The following NBEAL1 variants were observed in gnomAD, a reference collection of about 807,000 sequenced individuals.
NBEAL1 encodes the protein neurobeachin-like protein 1.
In NBEAL1, 273 loss-of-function variants were observed where a neutral mutation model predicts 351.3. The ratio of observed to expected loss-of-function variants is 0.78; its 90% CI spans 0.70 to 0.86. NBEAL1 has a LOEUF of 0.86. NBEAL1 is among the 40% of genes least tolerant of loss of function. NBEAL1 has a pLI of 0.00. For synonymous variants in NBEAL1, 1,050 were observed against 1,086.4 expected, an observed-to-expected ratio of 0.97 and a Z score of 0.66; for missense variants, 2,961 against 3,201.3, an observed-to-expected ratio of 0.92 and a Z score of 1.81.
intron 12 of NBEAL1, among the ~76,000 whole-genome samples, chr2:203,104,605 G>C (rs574714634): frequency 5.3e-5 from 8 of 152,222 alleles, no homozygotes; most frequent in African/African-American, 1.9e-4. Context: ...TTATTATACA[G>C]ACTTGTTGAC....
intron 19 of NBEAL1, among the ~76,000 whole-genome samples, chr2:203,123,609 CAGGCGTGA>C (rs1362666678): frequency 2.0e-5 from 3 of 152,176 alleles, no homozygotes. Context: ...GCTGGGATTA[CAGGCGTGA>C]GCCACCATGC....
At chr2:203,123,630 G>C (rs1214974069) in intron 19 of NBEAL1, among the ~76,000 whole-genome samples, 2 of 152,006 alleles carry the variant, frequency 1.3e-5, no homozygotes, top group Non-Finnish European at 1.5e-5. Flanking sequence ...CACCATGCCC[G>C]GCCAGAACAC....
intron 10 of NBEAL1, among the ~76,000 whole-genome samples, chr2:203,093,007 C>T (rs1168852688): frequency 2.0e-5 from 3 of 151,962 alleles, no homozygotes; most frequent in Middle Eastern, 3.4e-3. Context: ...CTGAGGCAGG[C>T]GGATCACAAG....
chr2:203,084,725 T>G, intron 10 of NBEAL1, 156 bp downstream of exon 10: 1 of 455,078 alleles, frequency 2.2e-6, no homozygotes, highest in Non-Finnish European at 3.9e-6. Flanking sequence ...GAAACTAGTA[T>G]TAAATCACTT....
At chr2:203,113,788 A>T (rs2062625310) in intron 17 of NBEAL1, among the ~76,000 whole-genome samples, 1 of 150,408 alleles carries the variant, frequency 6.6e-6, no homozygotes, top group South Asian at 2.1e-4. Context: ...CTCTGTGTGC[A>T]TATGGACGGA....
intron 53 of NBEAL1, among the ~76,000 whole-genome samples, chr2:203,209,798 G>T (rs1206618412): frequency 6.6e-6 from 1 of 151,060 alleles, no homozygotes; most frequent in Non-Finnish European, 1.5e-5. Flanking sequence ...GTGCAGTGGC[G>T]CAATCAGTGA....
chr2:203,131,922 C>A, intron 25 of NBEAL1, 51 bp from the exon 26 acceptor site: 1 of 1,292,888 alleles, frequency 7.7e-7, no homozygotes, highest in Non-Finnish European at 1.0e-6. Context: ...TGTTAAATGA[C>A]AAACTATTCT....
chr2:203,168,893 CA>C lies in NBEAL1; in HGVS notation c.5998-834del, dbSNP rs35683401. 1.5e-3 allele frequency among the ~76,000 whole-genome samples: 145 copies of C among 97,258 alleles called. 1 individual carries two copies. The highest frequency in any genetic ancestry group is 6.4e-3 in the East Asian group (22 of 3,424). 63.8% of individuals were successfully genotyped at this position (97,258 alleles called of 152,430 possible). ...TGGGTGACAGAGCGAGACTCCATCT[CA>C]AAAAAAAAAAAAAAAAAAAGGCAAT... On this transcript the variant is annotated intron_variant, in intron 38 of 55. Transcript: ENST00000683969.
chr2:203,196,181 A>G (rs2065236759), intron 47 of NBEAL1, among the ~76,000 whole-genome samples: 1 of 152,214 alleles, frequency 6.6e-6, no homozygotes, highest in Non-Finnish European at 1.5e-5. Flanking sequence ...CATCTTATCT[A>G]ATCATTTGTG....
chr2:203,210,608 G>A (rs1469227900), intron 53 of NBEAL1, among the ~76,000 whole-genome samples: 4 of 152,146 alleles, frequency 2.6e-5, no homozygotes, highest in Non-Finnish European at 5.9e-5. Flanking sequence ...AGCTTTCAGT[G>A]AGCCAAGATT....
chr2:203,085,468 A>C (rs2061946314), intron 10 of NBEAL1: 2 of 152,286 alleles, frequency 1.3e-5, no homozygotes, highest in African/African-American at 4.8e-5. Flanking sequence ...TTTTCTTTTG[A>C]GGTCACAAAA....
intron 48 of NBEAL1, 36 bp downstream of exon 48, chr2:203,197,427 C>T: frequency 7.9e-7 from 1 of 1,262,226 alleles, no homozygotes; most frequent in Non-Finnish European, 1.2e-6. Context: ...ACTGCTATGC[C>T]TATATTCATT....
rs951293842 is a variant in NBEAL1 at position 203,160,898 on chromosome 2, A to AC, written c.5714+3080dup. On this transcript the variant is annotated intron_variant, in intron 36 of 55. Coordinates refer to ENST00000683969, the MANE Select transcript of NBEAL1 (RefSeq NM_001378026.1). Reference sequence around the variant, plus strand: ...AGTCATTGGTTAGAGGTTGTGTTTAACCCCCCCGATCCAGCTGAGTGCTAT... The same window carrying AC: ...AGTCATTGGTTAGAGGTTGTGTTTAACCCCCCCCGATCCAGCTGAGTGCTAT... Among the ~76,000 whole-genome samples, 3 of 151,186 alleles carry AC rather than the reference A, an allele frequency of 2.0e-5. No individual in the cohort carries two copies. In the South Asian group the frequency reaches 6.3e-4, roughly 32 times the overall value.
At chr2:203,109,066 A>G (rs72934542) in intron 14 of NBEAL1, among the ~76,000 whole-genome samples, 32 of 152,144 alleles carry the variant, frequency 2.1e-4, no homozygotes, top group Middle Eastern at 3.4e-3. Context: ...CACTATGAAA[A>G]TGAATAATGG....
At chr2:203,054,425 CAA>C (rs755176233) in intron 4 of NBEAL1, among the ~76,000 whole-genome samples, 5 of 115,572 alleles carry the variant, frequency 4.3e-5, no homozygotes, top group Non-Finnish European at 7.3e-5. Context: ...GACTCAGTCT[CAA>C]AAAAAAAAAA....
At chr2:203,192,973 T>TC (rs2065137460) in intron 46 of NBEAL1, among the ~76,000 whole-genome samples, 2 of 135,136 alleles carry the variant, frequency 1.5e-5, no homozygotes, top group African/African-American at 5.5e-5. Flanking sequence ...CTTTTTTTTT[T>TC]TTTTTTTTTT....
chr2:203,118,832 G>T (rs1041284488), intron 18 of NBEAL1, among the ~76,000 whole-genome samples: 1 of 151,948 alleles, frequency 6.6e-6, no homozygotes, highest in Non-Finnish European at 1.5e-5. Context: ...CAAGTGATCC[G>T]CCCGCCTTGG....
At position 203,183,263 on chromosome 2, in the gene NBEAL1, T is replaced by C. The variant is rs575636940; in HGVS notation, c.6596-16T>C. ...ATCTAAAATGATTTGATACATTTTCTTTTTACATGTCTTAGAATTTAACTT... is the reference window on the plus strand; with the variant it reads ...ATCTAAAATGATTTGATACATTTTCCTTTTACATGTCTTAGAATTTAACTT... On this transcript the variant is annotated splice_polypyrimidine_tract_variant and intron_variant, in intron 43 of 55. Coordinates refer to ENST00000683969, the MANE Select transcript of NBEAL1 (RefSeq NM_001378026.1). 7 of 1,377,566 alleles carry C rather than the reference T, an allele frequency of 5.1e-6. No individual in the cohort carries two copies. The South Asian group carries it at 6.4e-5, about 13-fold the overall frequency. 85.3% of individuals were successfully genotyped at this position (1,377,566 alleles called of 1,614,324 possible). A position where few individuals can be genotyped will look rare whatever the true frequency, so the allele number is the denominator to read the frequency against.
intron 10 of NBEAL1, among the ~76,000 whole-genome samples, chr2:203,087,087 ACT>A (rs1405435299): frequency 3.5e-5 from 4 of 115,398 alleles, no homozygotes; most frequent in Admixed American, 9.0e-5. Context: ...CTCCTTTTTC[ACT>A]CTTTTTTTTT....
Sources: allele counts gnomAD v4.1 joint callset (sites outside exome capture counted in the v4.1 genomes callset), GRCh38; gene constraint gnomAD v4.1.1; transcripts MANE v1.5; gene names NCBI Gene and HGNC (gene_info 2026-07-23, HGNC 2026-07-21).